ATRNL1: variants seen among roughly 807,000 people sequenced by gnomAD.
The protein encoded by ATRNL1 is attractin-like protein 1.
A neutral mutation model predicts 182.7 loss-of-function variants in ATRNL1; 95 were observed. The observed-to-expected ratio is 0.52, with a 90% CI of 0.44 to 0.62. ATRNL1 has a LOEUF of 0.62. Ranked by LOEUF, ATRNL1 falls within the 20% of genes least tolerant of loss-of-function variation. The pLI is 0.00. For synonymous variants in ATRNL1, 576 were observed against 568.3 expected (o/e 1.01, Z -0.19); for missense variants, 1,471 against 1,679.5 (o/e 0.88, Z 2.17).
intron 20 of ATRNL1, among the ~76,000 whole-genome samples, chr10:115,419,513 G>C (rs1845556953): frequency 6.6e-6 from 1 of 152,154 alleles, no homozygotes; most frequent in Admixed American, 6.5e-5. Context: ...ACCAAACTAT[G>C]CTGCCTACAG....
chr10:115,537,278 C>T (rs1241366456), intron 25 of ATRNL1, among the ~76,000 whole-genome samples: 2 of 152,278 alleles, frequency 1.3e-5, no homozygotes, highest in Non-Finnish European at 1.5e-5. Flanking sequence ...TAGACTTCTC[C>T]AAGAGTCATA....
At chr10:115,277,936 C>A (rs1852178528) in intron 13 of ATRNL1, among the ~76,000 whole-genome samples, 1 of 152,132 alleles carries the variant, frequency 6.6e-6, no homozygotes, top group Non-Finnish European at 1.5e-5. Context: ...CAGATATATA[C>A]AGAAGAAATC....
intron 25 of ATRNL1, among the ~76,000 whole-genome samples, chr10:115,546,580 A>T (rs73373381): frequency 0.11 from 16,288 of 151,678 alleles, 2,919 homozygotes; most frequent in African/African-American, 0.37. Flanking sequence ...AAAAAAAAAA[A>T]GTTACACTAT....
At chr10:115,719,270 G>T (rs1947347122) in intron 26 of ATRNL1, among the ~76,000 whole-genome samples, 1 of 152,160 alleles carries the variant, frequency 6.6e-6, no homozygotes, top group Non-Finnish European at 1.5e-5. Flanking sequence ...AATGCATGAA[G>T]ACATGTGCCA....
At chr10:115,103,343 T>G (rs1554865106) in intron 1 of ATRNL1, among the ~76,000 whole-genome samples, 1 of 152,190 alleles carries the variant, frequency 6.6e-6, no homozygotes, top group African/African-American at 2.4e-5. Flanking sequence ...CTGGTCATAT[T>G]TTTTGATTTT....
chr10:115,532,918 A>C (rs1437490424), intron 25 of ATRNL1, among the ~76,000 whole-genome samples: 1 of 151,634 alleles, frequency 6.6e-6, no homozygotes, highest in Non-Finnish European at 1.5e-5. Context: ...GATTACATTT[A>C]TTGATTTGCG....
intron 24 of ATRNL1, among the ~76,000 whole-genome samples, chr10:115,513,182 C>T (rs1850475463): frequency 6.6e-6 from 1 of 151,886 alleles, no homozygotes; most frequent in Non-Finnish European, 1.5e-5. Flanking sequence ...TTAGAAGGGG[C>T]CTGGAACTGC....
At chr10:115,796,981 CATATAGTTTCA>C (rs1555083113) in intron 27 of ATRNL1, among the ~76,000 whole-genome samples, 1 of 151,964 alleles carries the variant, frequency 6.6e-6, no homozygotes, top group African/African-American at 2.4e-5. Flanking sequence ...AATTAGTTTC[CATATAGTTTCA>C]ACCTTATAGC....
intron 28 of ATRNL1, among the ~76,000 whole-genome samples, chr10:115,934,806 C>G (rs1953506996): frequency 6.6e-6 from 1 of 152,162 alleles, no homozygotes; most frequent in African/African-American, 2.4e-5. Flanking sequence ...AAATCAAAGT[C>G]CTAGTGTAAC....
chr10:115,408,636 C>T (rs1219577202), intron 20 of ATRNL1, among the ~76,000 whole-genome samples: 2 of 151,942 alleles, frequency 1.3e-5, no homozygotes, highest in Admixed American at 6.6e-5. Context: ...TTCATAAAAT[C>T]TTTTCCCAGA....
intron 8 of ATRNL1, among the ~76,000 whole-genome samples, chr10:115,210,979 T>C (rs1002734187): frequency 6.6e-6 from 1 of 151,808 alleles, no homozygotes; most frequent in African/African-American, 2.4e-5. Flanking sequence ...ATATTATTTA[T>C]AAACATTCAT....
chr10:115,306,716 A>T (rs1320099887), intron 17 of ATRNL1, among the ~76,000 whole-genome samples: 1 of 151,978 alleles, frequency 6.6e-6, no homozygotes, highest in Non-Finnish European at 1.5e-5. Flanking sequence ...ATATATCTTA[A>T]TATTTCTTAA....
chr10:115,814,961 A>G (rs1401605533), intron 27 of ATRNL1, among the ~76,000 whole-genome samples: 1 of 152,186 alleles, frequency 6.6e-6, no homozygotes, highest in African/African-American at 2.4e-5. Context: ...GAACATTTTC[A>G]GATGGCAAAG....
chr10:115,307,349 G>T (rs545560049), intron 17 of ATRNL1, among the ~76,000 whole-genome samples: 1 of 152,156 alleles, frequency 6.6e-6, no homozygotes, highest in South Asian at 2.1e-4. Context: ...TGCAATCTCC[G>T]CCTTCTGGGT....
At chr10:115,754,975 G>C (rs1948548062) in intron 27 of ATRNL1, among the ~76,000 whole-genome samples, 3 of 152,070 alleles carry the variant, frequency 2.0e-5, no homozygotes, top group Admixed American at 2.0e-4. Context: ...CTGTTTGTCT[G>C]TTATTGGTGT....
At chr10:115,334,709 T>C (rs1312336623) in intron 19 of ATRNL1, among the ~76,000 whole-genome samples, 1 of 152,192 alleles carries the variant, frequency 6.6e-6, no homozygotes. Flanking sequence ...TATTCAAAAA[T>C]AATCATTGCT....
chr10:115,293,287 A>T (rs1164084337), intron 15 of ATRNL1, among the ~76,000 whole-genome samples: 2 of 152,000 alleles, frequency 1.3e-5, no homozygotes, highest in Admixed American at 6.5e-5. Flanking sequence ...ATTGTTAGTT[A>T]TTTTTTTAAA....
At position 115,154,004 on chromosome 10, in the gene ATRNL1, A is replaced by G. The variant is rs1217836760; in HGVS notation, c.830-6036A>G. ...TTCAGGAGCAAGTTGTTCAGTTTCCATGTAGTTGAGCAGTTTTGAGTGAGT... is the reference window on the plus strand; with the variant it reads ...TTCAGGAGCAAGTTGTTCAGTTTCCGTGTAGTTGAGCAGTTTTGAGTGAGT... On this transcript the variant is annotated intron_variant, in intron 5 of 28. Transcript: ENST00000355044. Among the ~76,000 whole-genome samples, 4 of 151,186 alleles carry G rather than the reference A, an allele frequency of 2.6e-5. No homozygotes were observed. In the South Asian group the frequency reaches 6.4e-4, roughly 24 times the overall value.
intron 26 of ATRNL1, among the ~76,000 whole-genome samples, chr10:115,573,669 A>G (rs1555004176): frequency 6.6e-6 from 1 of 152,150 alleles, no homozygotes; most frequent in East Asian, 1.9e-4. Flanking sequence ...GTTACAACTC[A>G]GTGAGCAAGA....
Sources: allele counts gnomAD v4.1 joint callset (sites outside exome capture counted in the v4.1 genomes callset), GRCh38; gene constraint gnomAD v4.1.1; transcripts MANE v1.5; gene names NCBI Gene and HGNC (gene_info 2026-07-23, HGNC 2026-07-21).